Variants in KIRREL3 observed in about 807,000 individuals in gnomAD.
The protein encoded by KIRREL3 is kirre like nephrin family adhesion molecule 3.
A neutral mutation model predicts 89.7 loss-of-function variants in KIRREL3; 36 were observed. The observed-to-expected ratio is 0.40, with a 90% CI of 0.31 to 0.53. The LOEUF (loss-of-function observed/expected upper bound fraction) is 0.53, where lower values mean the gene tolerates loss of function less well. Among genes scored for constraint, KIRREL3 ranks in the 20% least tolerant of loss-of-function variants. The probability of loss-of-function intolerance (pLI) is 0.49; values close to 1 mark genes in which losing one functional copy is unlikely to be tolerated. For synonymous variants in KIRREL3, 445 were observed against 441.4 expected (o/e 1.01, Z -0.10); for missense variants, 864 against 1,056.6 (o/e 0.82, Z 2.53).
rs576117944 is a variant in KIRREL3, at chr11:126,769,799, T to C, written c.56-206887A>G. ...GAATCAGACGACGCAGATATGGGTCTGAATATTGGCCCTGATGAGGTGTAG... is the reference window on the plus strand; with the variant it reads ...GAATCAGACGACGCAGATATGGGTCCGAATATTGGCCCTGATGAGGTGTAG... On this transcript the variant is annotated intron_variant, in intron 1 of 16. Transcript: ENST00000525144. The surrounding 1 kb of genome is among the most constrained non-coding windows in gnomAD (Gnocchi z 4.3). 6.6e-6 allele frequency among the ~76,000 whole-genome samples: 1 copy of C among 152,298 alleles called. No homozygotes were observed. Among genetic ancestry groups the C allele is most frequent in the East Asian group, 1.9e-4 (1 of 5,178 alleles).
rs780828599 is a variant in KIRREL3 at position 126,578,453 on chromosome 11, T to C, written c.56-15541A>G. Among the ~76,000 whole-genome samples, 1 of 152,212 alleles carries C rather than the reference T, an allele frequency of 6.6e-6. No homozygotes were observed. Among genetic ancestry groups the C allele is most frequent in the Non-Finnish European group, 1.5e-5 (1 of 68,040 alleles). On this transcript the variant is annotated intron_variant, in intron 1 of 16. Transcript: ENST00000525144. This position sits in a 1 kb window ranked among gnomAD's most constrained non-coding sequence, Gnocchi z 4.9. ...GAACTTCCACATGAACGTGACTCCGTGCCTACCTGCTAATAAGAGCGGGAG... is the reference window on the plus strand; with the variant it reads ...GAACTTCCACATGAACGTGACTCCGCGCCTACCTGCTAATAAGAGCGGGAG...
chr11:126,746,813 A>G (rs543625453), intron 1 of KIRREL3, among the ~76,000 whole-genome samples: 120 of 152,146 alleles, frequency 7.9e-4, no homozygotes, highest in Non-Finnish European at 1.3e-3. Flanking sequence ...CCCAAACCCC[A>G]TTGTGCTTAG....
At position 126,876,825 on chromosome 11, in the gene KIRREL3, G is replaced by A. The variant is rs796235655; in HGVS notation, c.55+123630C>T. On this transcript the variant is annotated intron_variant, in intron 1 of 16. Transcript: ENST00000525144. This position sits in a 1 kb window ranked among gnomAD's most constrained non-coding sequence, Gnocchi z 4.1. Reference sequence around the variant, plus strand: ...GCTAGGATTACAGGCGTGAGCCACCGTGCCTGGCCATAAATATGTTTTTAA... The same window carrying A: ...GCTAGGATTACAGGCGTGAGCCACCATGCCTGGCCATAAATATGTTTTTAA... Among the ~76,000 whole-genome samples, 2 of 152,268 alleles carry A rather than the reference G, an allele frequency of 1.3e-5. No homozygotes were observed. The highest frequency in any genetic ancestry group is 2.4e-5 in the African/African-American group (1 of 41,550).
chr11:126,983,596 G>C lies in KIRREL3; in HGVS notation c.55+16859C>G, dbSNP rs1949773380. Among the ~76,000 whole-genome samples the C allele has an allele frequency of 6.6e-6, 1 of 152,152 alleles. No homozygotes were observed. The highest frequency in any genetic ancestry group is 2.4e-5 in the African/African-American group (1 of 41,436). On this transcript the variant is annotated intron_variant, in intron 1 of 16. Coordinates refer to ENST00000525144, the MANE Select transcript of KIRREL3 (RefSeq NM_032531.4). The surrounding 1 kb of genome is among the most constrained non-coding windows in gnomAD (Gnocchi z 4.9). ...AGGTGAAGATGGAAGCAAGAGGTTG[G>C]AGTGAAGGGAGGAAGGGGCCACGAG...
rs909022013 is a variant in KIRREL3 at position 126,802,420 on chromosome 11, T to G, written c.55+198035A>C. On this transcript the variant is annotated intron_variant, in intron 1 of 16. Transcript: ENST00000525144. The surrounding 1 kb of genome is among the most constrained non-coding windows in gnomAD (Gnocchi z 5.2). ...TCAATGCCATTAATTAAAACATTGA[T>G]GAGAAAAATATATCACTTTCCAGCT... 2.0e-5 allele frequency among the ~76,000 whole-genome samples: 3 copies of G among 152,204 alleles called. No individual in the cohort carries two copies. The highest frequency in any genetic ancestry group is 6.5e-5 in the Admixed American group (1 of 15,284).
rs1592155370 is a variant in KIRREL3 at position 126,807,584 on chromosome 11, C to T, written c.55+192871G>A. ...TTCGTGCATTCATAGACACACGGAA[C>T]CTCATGCAGGTACCCAATTATGCTG... On this transcript the variant is annotated intron_variant, in intron 1 of 16. Coordinates refer to ENST00000525144, the MANE Select transcript of KIRREL3 (RefSeq NM_032531.4). This position sits in a 1 kb window ranked among gnomAD's most constrained non-coding sequence, Gnocchi z 4.3. Among the ~76,000 whole-genome samples, 1 of 152,348 alleles carries T rather than the reference C, an allele frequency of 6.6e-6. No homozygotes were observed. Among genetic ancestry groups the T allele is most frequent in the Non-Finnish European group, 1.5e-5 (1 of 68,030 alleles).
At chr11:126,456,023 G>T (rs1361432577) in intron 7 of KIRREL3, among the ~76,000 whole-genome samples, 29 of 104,644 alleles carry the variant, frequency 2.8e-4, no homozygotes, top group Middle Eastern at 5.6e-3. Context: ...GGTTGTTCTG[G>T]TTTTTTTTTG....
Position 126,742,371 on chromosome 11 carries a change from T to C in KIRREL3, c.56-179459A>G, listed in dbSNP as rs1036151440. Among the ~76,000 whole-genome samples the C allele has an allele frequency of 5.3e-5, 8 of 152,176 alleles. No homozygotes were observed. Among genetic ancestry groups the C allele is most frequent in the African/African-American group, 1.9e-4 (8 of 41,438 alleles). On this transcript the variant is annotated intron_variant, in intron 1 of 16. Coordinates refer to ENST00000525144, the MANE Select transcript of KIRREL3 (RefSeq NM_032531.4). This position sits in a 1 kb window ranked among gnomAD's most constrained non-coding sequence, Gnocchi z 5.3. ...CTTAGGATAGTGTATCCTAACCTGC[T>C]TGTGGTTCTAATTTATTTTCATGCC...
chr11:126,866,618 G>C (rs775107271), intron 1 of KIRREL3, among the ~76,000 whole-genome samples: 3 of 151,682 alleles, frequency 2.0e-5, no homozygotes, highest in Non-Finnish European at 4.4e-5. Flanking sequence ...TGCATTTTCC[G>C]AGACCACTCT....
rs1369694524 is a variant in KIRREL3 at position 126,710,070 on chromosome 11, A to T, written c.56-147158T>A. Reference sequence around the variant, plus strand: ...CAGGGTGGAAAGAAATGTCCCTAGGAGACACACATAATGAGTATCAAGTCT... The same window carrying T: ...CAGGGTGGAAAGAAATGTCCCTAGGTGACACACATAATGAGTATCAAGTCT... On this transcript the variant is annotated intron_variant, in intron 1 of 16. Coordinates refer to ENST00000525144, the MANE Select transcript of KIRREL3 (RefSeq NM_032531.4). The surrounding 1 kb of genome is among the most constrained non-coding windows in gnomAD (Gnocchi z 4.2). Among the ~76,000 whole-genome samples the T allele has an allele frequency of 6.6e-6, 1 of 152,228 alleles. No individual in the cohort carries two copies. The highest frequency in any genetic ancestry group is 1.5e-5 in the Non-Finnish European group (1 of 68,044).
rs1464334896 is a variant in KIRREL3 at position 126,564,820 on chromosome 11, T to A, written c.56-1908A>T. On this transcript the variant is annotated intron_variant, in intron 1 of 16. Coordinates refer to ENST00000525144, the MANE Select transcript of KIRREL3 (RefSeq NM_032531.4). The surrounding 1 kb of genome is among the most constrained non-coding windows in gnomAD (Gnocchi z 7.4). ...GGAAGTACAAGCTGCGAGGAGGTGC[T>A]GAGCTCCCTGGAACAATAGCCTCTC... Among the ~76,000 whole-genome samples the A allele has an allele frequency of 6.6e-6, 1 of 152,214 alleles. No homozygotes were observed. Among genetic ancestry groups the A allele is most frequent in the Non-Finnish European group, 1.5e-5 (1 of 68,030 alleles).
At position 126,837,022 on chromosome 11, in the gene KIRREL3, T is replaced by C. The variant is rs971685737; in HGVS notation, c.55+163433A>G. 1.4e-5 allele frequency among the ~76,000 whole-genome samples: 2 copies of C among 146,880 alleles called. No homozygotes were observed. Among genetic ancestry groups the C allele is most frequent in the South Asian group, 2.4e-4 (1 of 4,204 alleles). On this transcript the variant is annotated intron_variant, in intron 1 of 16. Coordinates refer to ENST00000525144, the MANE Select transcript of KIRREL3 (RefSeq NM_032531.4). This position sits in a 1 kb window ranked among gnomAD's most constrained non-coding sequence, Gnocchi z 4.7. Reference sequence around the variant, plus strand: ...GGGCCTGACCCATAGAAGATATTTGTTAAGTATTTTTTTGGGGGGCGGGGG... The same window carrying C: ...GGGCCTGACCCATAGAAGATATTTGCTAAGTATTTTTTTGGGGGGCGGGGG...
intron 8 of KIRREL3, among the ~76,000 whole-genome samples, chr11:126,447,273 C>T (rs1021832595): frequency 4.1e-5 from 6 of 145,888 alleles, no homozygotes; most frequent in African/African-American, 9.7e-5. Context: ...ATCCCAGTGG[C>T]GGGCAGGGGC....
rs1344345925 is a variant in KIRREL3 at position 126,492,678 on chromosome 11, G to A, written c.434-19212C>T. 6.6e-6 allele frequency among the ~76,000 whole-genome samples: 1 copy of A among 152,114 alleles called. No homozygotes were observed. The highest frequency in any genetic ancestry group is 2.4e-5 in the African/African-American group (1 of 41,430). ...ACTTTGATAAATTGACTCTGAAAGG[G>A]CCTTTTCTTCCAAGCAGTTCATGCC... On this transcript the variant is annotated intron_variant, in intron 4 of 16. Coordinates refer to ENST00000525144, the MANE Select transcript of KIRREL3 (RefSeq NM_032531.4). This position sits in a 1 kb window ranked among gnomAD's most constrained non-coding sequence, Gnocchi z 4.8.
intron 1 of KIRREL3, among the ~76,000 whole-genome samples, chr11:126,583,540 A>G (rs1941667165): frequency 6.6e-6 from 1 of 152,248 alleles, no homozygotes; most frequent in South Asian, 2.1e-4. Context: ...GGAGTCTAGC[A>G]TGAGGAGGAC....
At position 126,708,607 on chromosome 11, in the gene KIRREL3, G is replaced by A. The variant is rs1947633381; in HGVS notation, c.56-145695C>T. 2.0e-5 allele frequency among the ~76,000 whole-genome samples: 3 copies of A among 152,232 alleles called. No homozygotes were observed. The highest frequency in any genetic ancestry group is 6.8e-3 in the Middle Eastern group (2 of 294). On this transcript the variant is annotated intron_variant, in intron 1 of 16. Coordinates refer to ENST00000525144, the MANE Select transcript of KIRREL3 (RefSeq NM_032531.4). The surrounding 1 kb of genome is among the most constrained non-coding windows in gnomAD (Gnocchi z 5.7). ...GGTGGGGAAGGAAGGAGGGCGTTCGGCTCAACGTCCAGGAGAGGCACCGGC... is the reference window on the plus strand; with the variant it reads ...GGTGGGGAAGGAAGGAGGGCGTTCGACTCAACGTCCAGGAGAGGCACCGGC...
rs1946711494 is a variant in KIRREL3 at position 126,909,242 on chromosome 11, T to C, written c.55+91213A>G. Among the ~76,000 whole-genome samples the C allele has an allele frequency of 2.0e-5, 3 of 152,198 alleles. No homozygotes were observed. The South Asian group carries it at 6.2e-4, about 32-fold the overall frequency. ...ATGGGGTCGGAGAGGGAGGAGTTCA[T>C]GGGAGGTGTGGCACTAAAACCCAGG... On this transcript the variant is annotated intron_variant, in intron 1 of 16. Coordinates refer to ENST00000525144, the MANE Select transcript of KIRREL3 (RefSeq NM_032531.4). This position sits in a 1 kb window ranked among gnomAD's most constrained non-coding sequence, Gnocchi z 4.5.
At chr11:126,737,540 C>T (rs934268111) in intron 1 of KIRREL3, among the ~76,000 whole-genome samples, 5 of 152,254 alleles carry the variant, frequency 3.3e-5, no homozygotes, top group South Asian at 2.1e-4. Flanking sequence ...TGCAGCAGCT[C>T]GGAGTCTCAG....
intron 1 of KIRREL3, among the ~76,000 whole-genome samples, chr11:126,770,199 C>A (rs1052364299): frequency 3.9e-5 from 6 of 152,152 alleles, no homozygotes; most frequent in Non-Finnish European, 8.8e-5. Context: ...GGCCCACCTC[C>A]CCTTGCTTCT....
Sources: gnomAD v4.1 joint callset for allele counts (sites outside exome capture counted in the v4.1 genomes callset) on GRCh38, gnomAD v4.1.1 for gene constraint, Gnocchi (gnomAD v3.1) non-coding constraint, MANE v1.5 for transcripts, NCBI Gene and HGNC (gene_info 2026-07-23, HGNC 2026-07-21) for gene names.